The following SYNPR variants were observed in gnomAD, a reference collection of about 807,000 sequenced individuals.
SYNPR encodes the protein synaptoporin.
In SYNPR, 23 loss-of-function variants were observed where a neutral mutation model predicts 32.9. The ratio of observed to expected loss-of-function variants is 0.70; its 90% CI spans 0.50 to 0.99. SYNPR has a LOEUF of 0.99. SYNPR is among the 50% of genes least tolerant of loss of function. The probability of loss-of-function intolerance (pLI) is 0.00; values close to 1 mark genes in which losing one functional copy is unlikely to be tolerated. For synonymous variants in SYNPR, 146 were observed against 135.9 expected (o/e 1.07, Z -0.52); for missense variants, 318 against 349.3 (o/e 0.91, Z 0.71).
At chr3:63,525,240 T>C (rs569514959) in intron 3 of SYNPR, among the ~76,000 whole-genome samples, 2 of 152,292 alleles carry the variant, frequency 1.3e-5, no homozygotes, top group South Asian at 4.2e-4. Flanking sequence ...GATTTTTTTC[T>C]TCTGTAAAAC....
intron 2 of SYNPR, chr3:63,443,598 A>G: frequency 9.5e-7 from 1 of 1,055,000 alleles, no homozygotes; most frequent in Non-Finnish European, 1.4e-6. Context: ...TCTAGTAATA[A>G]TCTCTATTTT....
chr3:63,553,100 A>C (rs1702531175), intron 3 of SYNPR, among the ~76,000 whole-genome samples: 1 of 151,436 alleles, frequency 6.6e-6, no homozygotes, highest in Non-Finnish European at 1.5e-5. Flanking sequence ...TTGCCTCCCT[A>C]CTCTAGTACT....
At position 63,560,645 on chromosome 3, in the gene SYNPR, G is replaced by C. The variant is rs191117953; in HGVS notation, c.408+3904G>C. On this transcript the variant is annotated intron_variant, in intron 4 of 5. Coordinates refer to ENST00000478300, the MANE Select transcript of SYNPR (RefSeq NM_001130003.2). Reference sequence around the variant, plus strand: ...AGAGGTTTAATTAACTCACAGTTCCGTATGGCTGGGGAGGCCTCAGGAAAT... The same window carrying C: ...AGAGGTTTAATTAACTCACAGTTCCCTATGGCTGGGGAGGCCTCAGGAAAT... 1.6e-4 allele frequency among the ~76,000 whole-genome samples: 24 copies of C among 152,252 alleles called. No homozygotes were observed. The East Asian group carries it at 4.5e-3, about 28-fold the overall frequency.
intron 2 of SYNPR, among the ~76,000 whole-genome samples, chr3:63,311,532 T>C (rs2086964343): frequency 1.3e-5 from 2 of 151,886 alleles, no homozygotes. Context: ...TATAAGACTC[T>C]AAGGCCTGAT....
At chr3:63,603,693 C>G (rs571853810) in intron 4 of SYNPR, among the ~76,000 whole-genome samples, 5 of 152,288 alleles carry the variant, frequency 3.3e-5, no homozygotes, top group South Asian at 2.1e-4. Flanking sequence ...AGGGATAAAG[C>G]CTGCTTGATC....
the SYNPR span, among the ~76,000 whole-genome samples, chr3:63,211,665 A>C: frequency 4.0e-5 from 6 of 151,402 alleles, no homozygotes; most frequent in Non-Finnish European, 2.9e-5. Flanking sequence ...GTAATGAAGC[A>C]CTCTGCTGAG....
intron 3 of SYNPR, 71 bp from the exon 4 acceptor site, chr3:63,556,472 A>G (rs1702595930): frequency 7.2e-7 from 1 of 1,391,002 alleles, no homozygotes; most frequent in African/African-American, 1.4e-5. Flanking sequence ...GCTTTAGAAG[A>G]TGTAGACACA....
the SYNPR span, among the ~76,000 whole-genome samples, chr3:63,206,549 A>G: frequency 6.6e-6 from 1 of 152,122 alleles, no homozygotes; most frequent in African/African-American, 2.4e-5. Context: ...TGACAGAGTG[A>G]GACTGTGTCT....
At chr3:63,256,578 T>C (rs2086385799) in intron 2 of SYNPR, among the ~76,000 whole-genome samples, 2 of 152,180 alleles carry the variant, frequency 1.3e-5, no homozygotes, top group Non-Finnish European at 2.9e-5. Context: ...TATGTCACCA[T>C]CATCAAAGAC....
chr3:63,447,241 T>C (rs1700294296), intron 2 of SYNPR, among the ~76,000 whole-genome samples: 2 of 152,156 alleles, frequency 1.3e-5, no homozygotes, highest in African/African-American at 2.4e-5. Flanking sequence ...ACTAATCTTA[T>C]AGGCAAGTTT....
At chr3:63,273,843 AG>A (rs1235857081), upstream of SYNPR, among the ~76,000 whole-genome samples, 1 of 152,208 alleles carries the variant, frequency 6.6e-6, no homozygotes, top group African/African-American at 2.4e-5. Flanking sequence ...ATTAAGACAC[AG>A]GAACATAAGA....
At chr3:63,476,859 G>A (rs1700937854) in intron 2 of SYNPR, among the ~76,000 whole-genome samples, 1 of 152,124 alleles carries the variant, frequency 6.6e-6, no homozygotes, top group Non-Finnish European at 1.5e-5. Context: ...CTAGCATTAA[G>A]CCCCATGGTG....
chr3:63,306,602 T>C (rs1181279280), intron 2 of SYNPR, among the ~76,000 whole-genome samples: 1 of 151,994 alleles, frequency 6.6e-6, no homozygotes, highest in Non-Finnish European at 1.5e-5. Context: ...GAGTTCATTA[T>C]AATGATAAAG....
chr3:63,536,520 T>C (rs1301767090), intron 3 of SYNPR, among the ~76,000 whole-genome samples: 1 of 152,166 alleles, frequency 6.6e-6, no homozygotes, highest in Non-Finnish European at 1.5e-5. Flanking sequence ...GATTGTAAAA[T>C]TGTAAAACCA....
intron 2 of SYNPR, among the ~76,000 whole-genome samples, chr3:63,314,451 G>C (rs2087019387): frequency 6.6e-6 from 1 of 151,792 alleles, no homozygotes; most frequent in Non-Finnish European, 1.5e-5. Context: ...GTTTTGATTT[G>C]CATTTCCCTG....
intron 2 of SYNPR, among the ~76,000 whole-genome samples, chr3:63,296,694 C>T (rs2086794302): frequency 6.6e-6 from 1 of 152,088 alleles, no homozygotes; most frequent in Non-Finnish European, 1.5e-5. Context: ...CTTCAGGTAC[C>T]ATGTAATGTA....
chr3:63,565,087 T>G (rs1421657034), intron 4 of SYNPR, among the ~76,000 whole-genome samples: 14 of 152,334 alleles, frequency 9.2e-5, no homozygotes, highest in Admixed American at 8.5e-4. Flanking sequence ...TTCCTATATG[T>G]TTTCTTTTTC....
intron 2 of SYNPR, among the ~76,000 whole-genome samples, chr3:63,284,501 T>C (rs1320883990): frequency 1.3e-5 from 2 of 152,186 alleles, no homozygotes; most frequent in South Asian, 2.1e-4. Context: ...TAACCCTGGG[T>C]TTCACATCAC....
intron 1 of SYNPR, among the ~76,000 whole-genome samples, chr3:63,241,893 C>G (rs1221221709): frequency 6.6e-6 from 1 of 152,040 alleles, no homozygotes; most frequent in Non-Finnish European, 1.5e-5. Context: ...TGGATCATGT[C>G]ACAGACTCCT....
Sources: allele counts gnomAD v4.1 joint callset (sites outside exome capture counted in the v4.1 genomes callset), GRCh38; gene constraint gnomAD v4.1.1; transcripts MANE v1.5; gene names NCBI Gene and HGNC (gene_info 2026-07-23, HGNC 2026-07-21).